GPC5: variants seen among roughly 807,000 people sequenced by gnomAD.
The protein encoded by GPC5 is glypican-5.
Under a neutral mutation model 53.9 loss-of-function variants are expected in GPC5, and 47 were observed. The observed-to-expected ratio is 0.87, with a 90% confidence interval of 0.69 to 1.11. The LOEUF (loss-of-function observed/expected upper bound fraction) is 1.11. Ranked by LOEUF, GPC5 falls within the 50% of genes most tolerant of loss-of-function variation. GPC5 has a pLI of 0.00. For synonymous variants in GPC5, 286 were observed against 263.3 expected (o/e 1.09, Z -0.84); for missense variants, 748 against 713.1 (o/e 1.05, Z -0.56).
chr13:92,100,408 A>T (rs1008242524), intron 6 of GPC5, among the ~76,000 whole-genome samples: 1 of 152,222 alleles, frequency 6.6e-6, no homozygotes, highest in East Asian at 1.9e-4. Context: ...TCTCAAAAAA[A>T]TTTAAAAAGT....
At chr13:92,110,496 C>G (rs866132157) in intron 6 of GPC5, among the ~76,000 whole-genome samples, 2 of 151,330 alleles carry the variant, frequency 1.3e-5, no homozygotes, top group African/African-American at 4.9e-5. Context: ...TTCCTTTCCA[C>G]TAGAAATGCA....
intron 5 of GPC5, among the ~76,000 whole-genome samples, chr13:91,891,412 A>C (rs990225070): frequency 6.6e-6 from 1 of 152,116 alleles, no homozygotes; most frequent in African/African-American, 2.4e-5. Context: ...CTTGTATATT[A>C]TGTTCTGTTT....
At chr13:92,018,231 T>A (rs985780739) in intron 6 of GPC5, among the ~76,000 whole-genome samples, 2 of 152,160 alleles carry the variant, frequency 1.3e-5, no homozygotes, top group African/African-American at 4.8e-5. Flanking sequence ...TTTAAAATTG[T>A]TTCAGCATCC....
At chr13:92,587,102 G>A (rs1475797397) in intron 7 of GPC5, among the ~76,000 whole-genome samples, 2 of 151,984 alleles carry the variant, frequency 1.3e-5, no homozygotes, top group African/African-American at 4.8e-5. Context: ...AATACATATG[G>A]TTTGAGAAGA....
Position 91,571,850 on chromosome 13 carries a change from T to TATAC in GPC5, c.326-121336_326-121335insTACA, listed in dbSNP as rs1555325850. On this transcript the variant is annotated intron_variant, in intron 2 of 7. Coordinates refer to ENST00000377067, the MANE Select transcript of GPC5 (RefSeq NM_004466.6). ...ATATACACATATACTTGTGTGTATA[T>TATAC]ACACATATACGTGTGTGTATATATA... Among the ~76,000 whole-genome samples, 187 of 70,512 alleles carry TATAC rather than the reference T, an allele frequency of 2.7e-3. 32 individuals carry two copies. Among genetic ancestry groups the TATAC allele is most frequent in the African/African-American group, 6.8e-3 (49 of 7,234 alleles). The allele number at this position is 70,512 out of a possible 152,430, so 46.3% of individuals were successfully genotyped here. A position where few individuals can be genotyped will look rare whatever the true frequency, so the allele number is the denominator to read the frequency against.
chr13:91,628,351 G>A (rs2034064424), intron 2 of GPC5, among the ~76,000 whole-genome samples: 1 of 152,002 alleles, frequency 6.6e-6, no homozygotes, highest in Non-Finnish European at 1.5e-5. Context: ...GACATTAAAT[G>A]CAGTTATAAT....
intron 7 of GPC5, among the ~76,000 whole-genome samples, chr13:92,762,284 G>A (rs1480540133): frequency 2.0e-5 from 3 of 152,084 alleles, no homozygotes; most frequent in African/African-American, 7.2e-5. Flanking sequence ...AATTGTGTGA[G>A]GGGAGGGCCT....
At chr13:92,257,658 C>G in intron 7 of GPC5, among the ~76,000 whole-genome samples, 1 of 148,646 alleles carries the variant, frequency 6.7e-6, no homozygotes, top group Non-Finnish European at 1.5e-5. Context: ...TCAAACAATT[C>G]TCCTGCCTTA....
At chr13:91,952,662 C>CA (rs2040038202) in intron 6 of GPC5, among the ~76,000 whole-genome samples, 2 of 151,956 alleles carry the variant, frequency 1.3e-5, no homozygotes, top group African/African-American at 2.4e-5. Context: ...TTAACAAATA[C>CA]AGAAGAGAAT....
chr13:91,906,459 T>G (rs1282666660), intron 5 of GPC5, among the ~76,000 whole-genome samples: 1 of 152,154 alleles, frequency 6.6e-6, no homozygotes, highest in East Asian at 1.9e-4. Context: ...GTATTTTAAC[T>G]GTTCAGTTGT....
chr13:91,732,495 T>A (rs1355394336), intron 4 of GPC5, among the ~76,000 whole-genome samples: 1 of 152,194 alleles, frequency 6.6e-6, no homozygotes, highest in African/African-American at 2.4e-5. Flanking sequence ...TGATGATAGT[T>A]TCTTTTGCTG....
intron 7 of GPC5, among the ~76,000 whole-genome samples, chr13:92,417,780 A>G (rs1200355941): frequency 6.6e-6 from 1 of 152,142 alleles, no homozygotes; most frequent in South Asian, 2.1e-4. Flanking sequence ...GGTCCCAGCT[A>G]TTCGGGGGGC....
At chr13:92,362,851 G>T (rs1312441355) in intron 7 of GPC5, among the ~76,000 whole-genome samples, 3 of 151,850 alleles carry the variant, frequency 2.0e-5, no homozygotes, top group South Asian at 2.1e-4. Flanking sequence ...TTACTTTAAT[G>T]CAGGTTATTT....
At chr13:91,400,783 T>C (rs1028581949) in intron 1 of GPC5, among the ~76,000 whole-genome samples, 2 of 152,166 alleles carry the variant, frequency 1.3e-5, no homozygotes, top group African/African-American at 4.8e-5. Flanking sequence ...ATGCAACACA[T>C]TGATTGGGTG....
At chr13:91,778,400 C>A (rs748397595) in intron 5 of GPC5, among the ~76,000 whole-genome samples, 1 of 152,154 alleles carries the variant, frequency 6.6e-6, no homozygotes, top group East Asian at 1.9e-4. Flanking sequence ...TTATAAGTTT[C>A]GTGTCCTGAC....
chr13:92,137,296 A>G (rs1330817154), intron 6 of GPC5, among the ~76,000 whole-genome samples: 1 of 152,248 alleles, frequency 6.6e-6, no homozygotes, highest in East Asian at 1.9e-4. Flanking sequence ...TAATTGTTCT[A>G]TAACTACAGG....
chr13:92,321,913 TATA>T (rs1431085175), intron 7 of GPC5, among the ~76,000 whole-genome samples: 1 of 152,090 alleles, frequency 6.6e-6, no homozygotes, highest in Admixed American at 6.6e-5. Flanking sequence ...CAGAAATAAA[TATA>T]ATAATAGCAA....
intron 6 of GPC5, among the ~76,000 whole-genome samples, chr13:91,914,891 T>A (rs1360900785): frequency 2.0e-5 from 3 of 152,210 alleles, no homozygotes; most frequent in East Asian, 1.9e-4. Flanking sequence ...TTTATAAACA[T>A]CCTTTCCTAT....
chr13:92,351,015 A>G (rs934193293), intron 7 of GPC5, among the ~76,000 whole-genome samples: 9 of 152,104 alleles, frequency 5.9e-5, no homozygotes, highest in Admixed American at 4.6e-4. Flanking sequence ...GTATAAAGTC[A>G]TATAGCCACT....
Sources: allele counts gnomAD v4.1 joint callset (sites outside exome capture counted in the v4.1 genomes callset), GRCh38; gene constraint gnomAD v4.1.1; transcripts MANE v1.5; gene names NCBI Gene and HGNC (gene_info 2026-07-23, HGNC 2026-07-21).